Variants in CLNK observed in about 807,000 individuals in gnomAD.
CLNK encodes cytokine dependent hematopoietic cell linker.
Under a neutral mutation model 68.6 loss-of-function variants are expected in CLNK, and 74 were observed. The observed-to-expected ratio is 1.08, with a 90% CI of 0.89 to 1.31. The LOEUF (loss-of-function observed/expected upper bound fraction) is 1.31. Among genes scored for constraint, CLNK ranks in the 50% most tolerant of loss-of-function variants. The probability of loss-of-function intolerance (pLI) is 0.00; values close to 1 mark genes in which losing one functional copy is unlikely to be tolerated. For synonymous variants in CLNK, 198 were observed against 172.2 expected, an observed-to-expected ratio of 1.15 and a Z score of -1.17; for missense variants, 553 against 515.3, an observed-to-expected ratio of 1.07 and a Z score of -0.71.
At chr4:10,555,992 C>T (rs1343517610) in intron 8 of CLNK, among the ~76,000 whole-genome samples, 1 of 152,182 alleles carries the variant, frequency 6.6e-6, no homozygotes, top group Non-Finnish European at 1.5e-5. Context: ...GAGAAGTCTT[C>T]TATACAACCT....
the CLNK span, among the ~76,000 whole-genome samples, chr4:10,699,152 C>T: frequency 2.9e-5 from 4 of 139,790 alleles, no homozygotes; most frequent in South Asian, 2.3e-4. Flanking sequence ...CCTCCATGAT[C>T]GTATGAGCCA....
At chr4:10,542,604 C>T (rs770243606) in intron 8 of CLNK, among the ~76,000 whole-genome samples, 10 of 151,510 alleles carry the variant, frequency 6.6e-5, no homozygotes, top group African/African-American at 2.2e-4. Flanking sequence ...TTTGAAACCA[C>T]GGATTCCTGT....
the CLNK span, among the ~76,000 whole-genome samples, chr4:10,699,494 C>CTCTCTATATATATATATATA: frequency 2.1e-4 from 12 of 56,982 alleles, no homozygotes; most frequent in African/African-American, 9.1e-4. Flanking sequence ...CTCTCTCTCT[C>CTCTCTATATATATATATATA]TATATATATA....
chr4:10,490,575 C>A lies in CLNK; in HGVS notation c.1179G>T (p.Lys393Asn), dbSNP rs975777738. ...DSVEDIIEHY[K>N]NFPIILIDGK... ...CATCAATTAGTATAATGGGAAAATT[C>A]TTGTAGTGTTCGATGATGTCTTCTA... Residue 393 changes from lysine (K) to asparagine (N), a missense_variant, in exon 19 of 19, where the codon AAG becomes AAT. Lys to Asn is a moderately conservative substitution (Grantham distance 94). Transcript: ENST00000226951. 1.3e-6 allele frequency: 2 copies of A among 1,588,674 alleles called. No homozygotes were observed. Among genetic ancestry groups the A allele is most frequent in the African/African-American group, 1.3e-5 (1 of 74,508 alleles).
chr4:10,687,207 A>T (rs1166928823), upstream of CLNK, among the ~76,000 whole-genome samples: 1 of 151,776 alleles, frequency 6.6e-6, no homozygotes, highest in Non-Finnish European at 1.5e-5. Context: ...TAGAGGTGAA[A>T]AAAAAAAAAA....
intron 2 of CLNK, among the ~76,000 whole-genome samples, chr4:10,610,033 GTTTTTTTTTTTTTTTTTTTTTTT>G (rs71181047): frequency 1.4e-5 from 1 of 73,430 alleles, no homozygotes; most frequent in African/African-American, 6.5e-5. Context: ...ATGAATGCTC[GTTTTTTTTTTTTTTTTTTTTTTT>G]TTTTTTTTTT....
chr4:10,556,254 C>G (rs1406869873), intron 8 of CLNK, among the ~76,000 whole-genome samples: 1 of 152,180 alleles, frequency 6.6e-6, no homozygotes, highest in Non-Finnish European at 1.5e-5. Context: ...CATAAGGAAG[C>G]TTGATTCCCT....
the CLNK span, among the ~76,000 whole-genome samples, chr4:10,707,736 C>G: frequency 6.6e-6 from 1 of 152,148 alleles, no homozygotes. Flanking sequence ...CTGAGGCACC[C>G]CTTCTTGTGC....
At chr4:10,694,605 C>T in the CLNK span, among the ~76,000 whole-genome samples, 121,463 of 152,046 alleles carry the variant, frequency 0.8, 48,981 homozygotes, top group Admixed American at 0.86. Context: ...TCTAGTTGTG[C>T]AGGAGGCTAT....
At chr4:10,716,701 T>G in the CLNK span, among the ~76,000 whole-genome samples, 1 of 151,314 alleles carries the variant, frequency 6.6e-6, no homozygotes, top group Non-Finnish European at 1.5e-5. Context: ...TTTTTTTTTT[T>G]TAATTTTTGG....
chr4:10,525,010 T>C (rs1167868578), intron 14 of CLNK, among the ~76,000 whole-genome samples: 1 of 152,178 alleles, frequency 6.6e-6, no homozygotes, highest in East Asian at 1.9e-4. Flanking sequence ...CCCTGGATTT[T>C]GTTTTAGGGC....
chr4:10,649,006 G>A (rs1264436604), intron 2 of CLNK, among the ~76,000 whole-genome samples: 5 of 152,132 alleles, frequency 3.3e-5, no homozygotes, highest in Non-Finnish European at 5.9e-5. Context: ...TGAATAGGAA[G>A]AGCACAAAGT....
intron 2 of CLNK, among the ~76,000 whole-genome samples, chr4:10,657,438 A>G (rs1176810374): frequency 6.6e-6 from 1 of 152,236 alleles, no homozygotes; most frequent in African/African-American, 2.4e-5. Context: ...TGCCTTATGC[A>G]TATTTTATAA....
chr4:10,639,532 C>T (rs545307447), intron 2 of CLNK, among the ~76,000 whole-genome samples: 90 of 152,208 alleles, frequency 5.9e-4, no homozygotes, highest in African/African-American at 2.0e-3. Flanking sequence ...ATCCACAAAA[C>T]GAAAAGATTT....
At position 10,537,546 on chromosome 4, in the gene CLNK, C is replaced by T. The variant is rs1040579844; in HGVS notation, c.602+2948G>A. 1.8e-4 allele frequency among the ~76,000 whole-genome samples: 28 copies of T among 152,034 alleles called. 1 individual carries two copies. Among genetic ancestry groups the T allele is most frequent in the Admixed American group, 5.9e-4 (9 of 15,268 alleles). On this transcript the variant is annotated intron_variant, in intron 11 of 18. Transcript: ENST00000226951. ...ATGGATTCTGGATACCTAATTCTGC[C>T]GAGAACAGATGGGAGAAGCTGGTTT... is the stretch of plus-strand genomic sequence containing the variant.
chr4:10,634,932 T>C (rs1291004207), intron 2 of CLNK, among the ~76,000 whole-genome samples: 3 of 152,168 alleles, frequency 2.0e-5, no homozygotes. Context: ...CTTGCATGGC[T>C]CCTTAGTTGA....
intron 4 of CLNK, among the ~76,000 whole-genome samples, chr4:10,582,087 C>T (rs1000588401): frequency 2.0e-5 from 3 of 152,126 alleles, no homozygotes; most frequent in Admixed American, 6.5e-5. Flanking sequence ...AATGTTAATC[C>T]TTGAGTTTAC....
chr4:10,512,055 G>C (rs1717610738), intron 16 of CLNK, among the ~76,000 whole-genome samples: 1 of 152,132 alleles, frequency 6.6e-6, no homozygotes, highest in Admixed American at 6.5e-5. Flanking sequence ...GCTGAAATCA[G>C]GGAAATCCTG....
intron 4 of CLNK, among the ~76,000 whole-genome samples, chr4:10,580,762 A>T (rs1234646998): frequency 6.6e-6 from 1 of 152,214 alleles, no homozygotes; most frequent in Non-Finnish European, 1.5e-5. Context: ...AAGTCTTATT[A>T]GGAAAGAGTA....
Sources: allele counts gnomAD v4.1 joint callset (sites outside exome capture counted in the v4.1 genomes callset), GRCh38; gene constraint gnomAD v4.1.1; transcripts MANE v1.5; gene names NCBI Gene and HGNC (gene_info 2026-07-23, HGNC 2026-07-21).